The following ZFHX3 variants were observed in gnomAD, a reference collection of about 807,000 sequenced individuals.
ZFHX3 encodes the protein zinc finger homeobox protein 3.
In ZFHX3, 42 loss-of-function variants were observed where a neutral mutation model predicts 279.1. That is an observed-to-expected ratio of 0.15 (90% CI 0.12 to 0.19). The LOEUF (loss-of-function observed/expected upper bound fraction) is 0.19, where lower values mean the gene tolerates loss of function less well. ZFHX3 is among the 10% of genes least tolerant of loss of function. The pLI, the probability that ZFHX3 is intolerant of heterozygous loss-of-function variation, is 1.00. For missense variants in ZFHX3, 4,981 were observed against 4,754.0 expected, an observed-to-expected ratio of 1.05 and a Z score of -1.40; for synonymous variants, 2,293 against 1,957.8, an observed-to-expected ratio of 1.17 and a Z score of -4.52.
chr16:72,872,006 A>C (rs982851138), intron 4 of ZFHX3, among the ~76,000 whole-genome samples: 1 of 151,936 alleles, frequency 6.6e-6, no homozygotes. Context: ...AATGGCATGA[A>C]CCCGGGAGTC....
At chr16:73,451,083 T>C (rs1262413595) in intron 3 of ZFHX3, among the ~76,000 whole-genome samples, 4 of 152,184 alleles carry the variant, frequency 2.6e-5, no homozygotes, top group African/African-American at 4.8e-5. Flanking sequence ...CATAAGGCTC[T>C]CATGAGGCCA....
intron 1 of ZFHX3, among the ~76,000 whole-genome samples, chr16:72,970,914 G>A (rs1962077692): frequency 6.6e-6 from 1 of 152,198 alleles, no homozygotes; most frequent in Non-Finnish European, 1.5e-5. Context: ...CATGTCTTAT[G>A]ATTAAAGTTG....
chr16:73,604,543 ATAC>A (rs1567531116), intron 2 of ZFHX3, among the ~76,000 whole-genome samples: 2 of 152,100 alleles, frequency 1.3e-5, no homozygotes, highest in Non-Finnish European at 2.9e-5. Context: ...CAGGAGTTCA[ATAC>A]CAGCCTGGCC....
intron 2 of ZFHX3, among the ~76,000 whole-genome samples, chr16:73,566,877 T>G (rs1365640259): frequency 6.6e-6 from 1 of 152,152 alleles, no homozygotes; most frequent in Non-Finnish European, 1.5e-5. Flanking sequence ...TTTTGTATTT[T>G]TAGTAGACAC....
At chr16:73,610,257 G>C (rs1233293926) in intron 2 of ZFHX3, among the ~76,000 whole-genome samples, 1 of 152,146 alleles carries the variant, frequency 6.6e-6, no homozygotes, top group Admixed American at 6.5e-5. Flanking sequence ...GGCCGGGCCT[G>C]ATGGATTTAT....
chr16:73,618,667 T>A (rs2052328692), intron 2 of ZFHX3, among the ~76,000 whole-genome samples: 1 of 152,188 alleles, frequency 6.6e-6, no homozygotes, highest in Non-Finnish European at 1.5e-5. Flanking sequence ...TCTGAAAAAG[T>A]CTCCTGTTGA....
In ZFHX3 at chr16:73,862,345, A is replaced by G. The variant is rs562350192; in HGVS notation, c.-1608+29306T>C. ...TGAATTCTGTTTTTGGTAACTAAGA[A>G]CCCCATCAACTACATATTGGAAAGT... is the stretch of plus-strand genomic sequence containing the variant. On this transcript the variant is annotated intron_variant, in intron 1 of 17. Transcript: ENST00000641206. Among the ~76,000 whole-genome samples the G allele has an allele frequency of 9.9e-5, 15 of 152,242 alleles. No homozygotes were observed. In the South Asian group the frequency reaches 3.1e-3, roughly 32 times the overall value.
chr16:73,077,874 A>G (rs1965904705), intron 8 of ZFHX3, among the ~76,000 whole-genome samples: 1 of 152,186 alleles, frequency 6.6e-6, no homozygotes, highest in African/African-American at 2.4e-5. Flanking sequence ...ACGTGATTTC[A>G]GCTCACTGCA....
Position 72,787,692 on chromosome 16 carries a change from C to CGAG in ZFHX3, c.10581_10583dup (p.Ser3528dup), listed in dbSNP as rs2035468545. ...CGCTCTCGCACGCCAGGCAGTGGTA[C>CGAG]GAGCCGCCGCCGCCGCCGCCGCCGC... On this transcript the variant is annotated inframe_insertion, in exon 10 of 10. Transcript: ENST00000268489. 1.4e-6 allele frequency: 2 copies of CGAG among 1,442,036 alleles called. No homozygotes were observed. The highest frequency in any genetic ancestry group is 1.8e-6 in the Non-Finnish European group (2 of 1,094,636). 89.3% of individuals were successfully genotyped at this position (1,442,036 alleles called of 1,614,324 possible). A position where few individuals can be genotyped will look rare whatever the true frequency, so the allele number is the denominator to read the frequency against.
intron 3 of ZFHX3, among the ~76,000 whole-genome samples, chr16:73,331,223 A>G (rs1331491309): frequency 6.6e-6 from 1 of 152,190 alleles, no homozygotes; most frequent in Non-Finnish European, 1.5e-5. Flanking sequence ...AGAACTCACT[A>G]TCATGAGAAC....
chr16:73,285,067 C>A (rs2014558801), intron 4 of ZFHX3, among the ~76,000 whole-genome samples: 1 of 152,194 alleles, frequency 6.6e-6, no homozygotes, highest in African/African-American at 2.4e-5. Context: ...CCCAGGCTAG[C>A]AGTTTGCACT....
intron 1 of ZFHX3, among the ~76,000 whole-genome samples, chr16:73,724,296 A>G (rs967345757): frequency 6.6e-6 from 1 of 152,248 alleles, no homozygotes; most frequent in Non-Finnish European, 1.5e-5. Flanking sequence ...GAGACTACTA[A>G]TGAATACATG....
chr16:72,848,964 A>G (rs1394895899), intron 4 of ZFHX3, among the ~76,000 whole-genome samples: 1 of 152,032 alleles, frequency 6.6e-6, no homozygotes, highest in Non-Finnish European at 1.5e-5. Context: ...CAACCCACTG[A>G]TGTCATTTCA....
At chr16:73,759,112 T>C (rs928053125) in intron 1 of ZFHX3, among the ~76,000 whole-genome samples, 2 of 152,224 alleles carry the variant, frequency 1.3e-5, no homozygotes, top group Non-Finnish European at 1.5e-5. Flanking sequence ...TTAACCAAGA[T>C]ACTAAAACTA....
In ZFHX3 at chr16:72,794,954, G is replaced by C. The variant is rs1203783762; in HGVS notation, c.7728C>G (p.Leu2576=). The C allele has an allele frequency of 6.2e-7, 1 of 1,614,188 alleles. No individual in the cohort carries two copies. Among genetic ancestry groups the C allele is most frequent in the Non-Finnish European group, 8.5e-7 (1 of 1,180,038 alleles). ...LDRSLDMPFM[L]FDPSNPLLAS... ...CCAGGAGTGGGTTACTGGGATCAAA[G>C]AGCATGAAAGGCATATCCAGGGACC... Residue 2576 remains leucine (L), a synonymous_variant, in exon 9 of 10, where the codon CTC becomes CTG. Transcript: ENST00000268489. This position sits in a 1 kb window ranked among gnomAD's most constrained non-coding sequence, Gnocchi z 4.2.
chr16:72,918,393 G>A (rs550878397), intron 3 of ZFHX3, among the ~76,000 whole-genome samples: 60 of 152,178 alleles, frequency 3.9e-4, no homozygotes, highest in African/African-American at 1.3e-3. Context: ...ATAATACTAC[G>A]CAGCTATTAA....
intron 2 of ZFHX3, among the ~76,000 whole-genome samples, chr16:73,582,260 G>A (rs1036754573): frequency 7.2e-5 from 11 of 151,754 alleles, no homozygotes; most frequent in South Asian, 2.1e-4. Context: ...CTACCATGGC[G>A]AAGTGGGAAC....
chr16:73,459,802 G>A (rs1479486998), intron 2 of ZFHX3, among the ~76,000 whole-genome samples: 1 of 152,116 alleles, frequency 6.6e-6, no homozygotes, highest in Non-Finnish European at 1.5e-5. Flanking sequence ...GCTGAGCTAA[G>A]GGGAAAGAGC....
At chr16:73,280,707 G>T (rs985048665) in intron 4 of ZFHX3, among the ~76,000 whole-genome samples, 3 of 152,028 alleles carry the variant, frequency 2.0e-5, no homozygotes, top group East Asian at 3.9e-4. Flanking sequence ...GGCCAGGCAT[G>T]GTGGCTCACA....
Sources: allele counts gnomAD v4.1 joint callset (sites outside exome capture counted in the v4.1 genomes callset), GRCh38; gene constraint gnomAD v4.1.1; non-coding constraint Gnocchi (gnomAD v3.1); transcripts MANE v1.5; gene names NCBI Gene and HGNC (gene_info 2026-07-23, HGNC 2026-07-21).